PLD5: variants seen among roughly 807,000 people sequenced by gnomAD.
The protein encoded by PLD5 is inactive phospholipase D5.
Under a neutral mutation model 61.1 loss-of-function variants are expected in PLD5, and 36 were observed. The ratio of observed to expected loss-of-function variants is 0.59; its 90% CI spans 0.45 to 0.78. PLD5 has a LOEUF of 0.78. Ranked by LOEUF, PLD5 falls within the 30% of genes least tolerant of loss-of-function variation. The pLI is 0.00. For synonymous variants in PLD5, 243 were observed against 242.8 expected (o/e 1.00, Z -0.01); for missense variants, 515 against 644.4 (o/e 0.80, Z 2.17).
intron 5 of PLD5, among the ~76,000 whole-genome samples, chr1:242,131,861 G>A (rs1217106862): frequency 1.4e-5 from 2 of 142,548 alleles, no homozygotes; most frequent in African/African-American, 2.6e-5. Flanking sequence ...TTGAGATGGA[G>A]TCTCATTCTG....
At chr1:242,508,116 C>G (rs1668785571) in intron 1 of PLD5, among the ~76,000 whole-genome samples, 1 of 151,412 alleles carries the variant, frequency 6.6e-6, no homozygotes, top group Admixed American at 6.6e-5. Context: ...GTAATCCCAG[C>G]ACTTTGGGAG....
At chr1:242,508,838 T>C (rs1022741653) in intron 1 of PLD5, among the ~76,000 whole-genome samples, 1 of 152,186 alleles carries the variant, frequency 6.6e-6, no homozygotes, top group African/African-American at 2.4e-5. Flanking sequence ...CCCAGAACTT[T>C]GGGAGGCCAA....
chr1:242,505,716 G>A (rs1339795003), intron 1 of PLD5, among the ~76,000 whole-genome samples: 2 of 152,186 alleles, frequency 1.3e-5, no homozygotes, highest in Non-Finnish European at 2.9e-5. Context: ...AAAGACAACG[G>A]CAGACCTCAA....
intron 5 of PLD5, among the ~76,000 whole-genome samples, chr1:242,214,843 A>G (rs1327399698): frequency 4.1e-5 from 6 of 145,908 alleles, no homozygotes; most frequent in Non-Finnish European, 9.0e-5. Flanking sequence ...CTCTTCCTTG[A>G]GAGTCCACTC....
intron 5 of PLD5, among the ~76,000 whole-genome samples, chr1:242,167,389 G>A (rs1197344177): frequency 1.3e-5 from 2 of 152,186 alleles, no homozygotes; most frequent in African/African-American, 4.8e-5. Context: ...GAGAGAGCAT[G>A]TGCGGGGGAA....
At chr1:242,164,436 A>AGCAT (rs1225001005) in intron 5 of PLD5, among the ~76,000 whole-genome samples, 2 of 152,136 alleles carry the variant, frequency 1.3e-5, no homozygotes, top group Non-Finnish European at 2.9e-5. Context: ...TTGTTCTTGA[A>AGCAT]GCATGACCAG....
chr1:242,313,506 T>C (rs941604910), intron 2 of PLD5, among the ~76,000 whole-genome samples: 1 of 152,244 alleles, frequency 6.6e-6, no homozygotes, highest in African/African-American at 2.4e-5. Flanking sequence ...AAGTTACACA[T>C]AAGACTTAAG....
At chr1:242,313,563 A>C (rs1676831003) in intron 2 of PLD5, among the ~76,000 whole-genome samples, 1 of 152,188 alleles carries the variant, frequency 6.6e-6, no homozygotes, top group Admixed American at 6.5e-5. Context: ...GAATATACTC[A>C]TGCTTGATAA....
chr1:242,443,987 T>G (rs1336308357), intron 1 of PLD5, among the ~76,000 whole-genome samples: 2 of 152,210 alleles, frequency 1.3e-5, no homozygotes, highest in Admixed American at 1.3e-4. Flanking sequence ...TAATGGGACC[T>G]GTGCAGCATC....
intron 4 of PLD5, among the ~76,000 whole-genome samples, chr1:242,241,704 T>TAC (rs1321028474): frequency 6.6e-6 from 1 of 151,654 alleles, no homozygotes; most frequent in African/African-American, 2.4e-5. Context: ...GTTGGTGAGG[T>TAC]ACAGGCTTCT....
intron 2 of PLD5, among the ~76,000 whole-genome samples, chr1:242,305,925 G>A (rs1676322121): frequency 6.6e-6 from 1 of 152,182 alleles, no homozygotes; most frequent in South Asian, 2.1e-4. Flanking sequence ...ATGCACCAAG[G>A]TAGAGAGGAG....
intron 3 of PLD5, among the ~76,000 whole-genome samples, chr1:242,285,816 A>C (rs1037631853): frequency 6.6e-6 from 1 of 152,144 alleles, no homozygotes; most frequent in African/African-American, 2.4e-5. Context: ...TTTCAAAATA[A>C]GTAGAAGGGG....
At chr1:242,202,952 A>G (rs1040180232) in intron 5 of PLD5, among the ~76,000 whole-genome samples, 15 of 152,110 alleles carry the variant, frequency 9.9e-5, no homozygotes, top group African/African-American at 3.6e-4. Flanking sequence ...CGAGAGACCG[A>G]ATATACAAAT....
At position 242,087,689 on chromosome 1, in the gene PLD5, C is replaced by T. The variant is rs1451971397; in HGVS notation, c.*2165G>A. 6.6e-6 allele frequency: 1 copy of T among 152,380 alleles called. No individual in the cohort carries two copies. The highest frequency in any genetic ancestry group is 1.5e-5 in the Non-Finnish European group (1 of 68,094). The allele number at this position is 152,380 out of a possible 1,614,324, so 9.4% of individuals were successfully genotyped here. On this transcript the variant is annotated 3_prime_UTR_variant, in exon 10 of 10. Coordinates refer to ENST00000536534, the MANE Select transcript of PLD5 (RefSeq NM_001372062.1). Reference sequence around the variant, plus strand: ...CAAACTCTTGGCCTCAAGCAATCCTCCTGCCTTGGCCTTCCAAAGCGCTGG... The same window carrying T: ...CAAACTCTTGGCCTCAAGCAATCCTTCTGCCTTGGCCTTCCAAAGCGCTGG...
intron 4 of PLD5, among the ~76,000 whole-genome samples, chr1:242,242,017 A>ACACG (rs1672084546): frequency 7.1e-6 from 1 of 141,074 alleles, no homozygotes; most frequent in Admixed American, 7.1e-5. Flanking sequence ...ATATAGACAC[A>ACACG]CACACACACA....
chr1:242,225,451 A>G (rs1670878755), intron 4 of PLD5, among the ~76,000 whole-genome samples: 1 of 150,714 alleles, frequency 6.6e-6, no homozygotes, highest in Non-Finnish European at 1.5e-5. Context: ...CTGTTGAGTG[A>G]TATTTCATGG....
Position 242,241,987 on chromosome 1 carries a change from C to T in PLD5, c.608-21872G>A, listed in dbSNP as rs867777350. Among the ~76,000 whole-genome samples the T allele has an allele frequency of 3.5e-3, 316 of 91,516 alleles. 6 individuals are homozygous for T. The highest frequency in any genetic ancestry group is 0.012 in the African/African-American group (305 of 24,554). 60.0% of individuals were successfully genotyped at this position (91,516 alleles called of 152,430 possible). A position where few individuals can be genotyped will look rare whatever the true frequency, so the allele number is the denominator to read the frequency against. ...CTTACTTAAATATATACTATATATA[C>T]TTACTATATATATATATATATATAG... On this transcript the variant is annotated intron_variant, in intron 4 of 9. Coordinates refer to ENST00000536534, the MANE Select transcript of PLD5 (RefSeq NM_001372062.1).
intron 1 of PLD5, among the ~76,000 whole-genome samples, chr1:242,444,387 A>T (rs544745994): frequency 6.6e-6 from 1 of 152,064 alleles, no homozygotes; most frequent in South Asian, 2.1e-4. Context: ...GTATGCACTC[A>T]TTCTCCTCCA....
chr1:242,273,160 A>G (rs942898565), intron 3 of PLD5, among the ~76,000 whole-genome samples: 1 of 151,254 alleles, frequency 6.6e-6, no homozygotes, highest in Non-Finnish European at 1.5e-5. Flanking sequence ...CCCACTTATG[A>G]ATGAAAACAT....
Sources: gnomAD v4.1 joint callset for allele counts (sites outside exome capture counted in the v4.1 genomes callset) on GRCh38, gnomAD v4.1.1 for gene constraint, MANE v1.5 for transcripts, NCBI Gene and HGNC (gene_info 2026-07-23, HGNC 2026-07-21) for gene names.